The following ZNF559 variants were observed in gnomAD, a reference collection of about 807,000 sequenced individuals.
The protein encoded by ZNF559 is zinc finger protein 559.
ZNF559 carries 17 observed loss-of-function variants against 14.2 expected under a neutral mutation model. The observed-to-expected ratio is 1.20, with a 90% confidence interval of 0.82 to 1.80. The LOEUF (loss-of-function observed/expected upper bound fraction) is 1.80, where lower values mean the gene tolerates loss of function less well. ZNF559 is among the 40% of genes most tolerant of loss of function. ZNF559 has a pLI of 0.00. For synonymous variants in ZNF559, 244 were observed against 212.4 expected, an observed-to-expected ratio of 1.15 and a Z score of -1.29; for missense variants, 740 against 629.7, an observed-to-expected ratio of 1.18 and a Z score of -1.88.
chr19:9,326,996 T>C (rs1170274547), intron 2 of ZNF559, among the ~76,000 whole-genome samples: 1 of 152,174 alleles, frequency 6.6e-6, no homozygotes, highest in African/African-American at 2.4e-5. Context: ...CTAGTGGCTG[T>C]TGAGTTAGAC....
chr19:9,333,758 A>T (rs1170368193), intron 2 of ZNF559, among the ~76,000 whole-genome samples: 1 of 152,082 alleles, frequency 6.6e-6, no homozygotes, highest in Non-Finnish European at 1.5e-5. Context: ...TGACAAAAAA[A>T]AAAAGGCTAA....
intron 1 of ZNF559, 198 bp from the exon 2 acceptor site, chr19:9,324,497 C>A: frequency 7.3e-7 from 1 of 1,369,938 alleles, no homozygotes; most frequent in Non-Finnish European, 9.6e-7. Flanking sequence ...CTCCCCTCTG[C>A]AGAAGCCTCA....
At chr19:9,327,177 C>T (rs1343954343) in intron 2 of ZNF559, among the ~76,000 whole-genome samples, 1 of 151,856 alleles carries the variant, frequency 6.6e-6, no homozygotes, top group African/African-American at 2.4e-5. Flanking sequence ...ACTTTGGCTA[C>T]AGGGGAATAT....
chr19:9,331,847 T>C (rs914763738), intron 2 of ZNF559, among the ~76,000 whole-genome samples: 2 of 152,218 alleles, frequency 1.3e-5, no homozygotes, highest in African/African-American at 4.8e-5. Context: ...TTATGATATA[T>C]TACTTATTGA....
At chr19:9,328,339 CTTGT>C (rs892570905) in intron 2 of ZNF559, among the ~76,000 whole-genome samples, 3 of 125,590 alleles carry the variant, frequency 2.4e-5, no homozygotes, top group African/African-American at 6.5e-5. Context: ...TACTATTAGG[CTTGT>C]TTGTCTTTTT....
chr19:9,344,316 T>G lies in ZNF559; in HGVS notation c.*1248T>G, dbSNP rs2067685824. On this transcript the variant is annotated 3_prime_UTR_variant, in exon 7 of 7. Coordinates refer to ENST00000603380, the MANE Select transcript of ZNF559 (RefSeq NM_032497.3). ...TTAGTTATAGGGAATTGAGGAACAT[T>G]TAGGGGTACAAATTTTCACTTATTG... 1 of 152,000 alleles carries G rather than the reference T, an allele frequency of 6.6e-6. No homozygotes were observed. Among genetic ancestry groups the G allele is most frequent in the African/African-American group, 2.4e-5 (1 of 41,366 alleles). The allele number at this position is 152,000 out of a possible 1,614,324, so 9.4% of individuals were successfully genotyped here.
rs57427399 is a variant in ZNF559, at chr19:9,324,565, A to G, written c.-205-130A>G. 199 of 1,161,022 alleles carry G rather than the reference A, an allele frequency of 1.7e-4. No individual in the cohort carries two copies. In the African/African-American group the frequency reaches 2.8e-3, roughly 16 times the overall value. The allele number at this position is 1,161,022 out of a possible 1,614,324, so 71.9% of individuals were successfully genotyped here. A position where few individuals can be genotyped will look rare whatever the true frequency, so the allele number is the denominator to read the frequency against. ...TCCCAGCGCTTTGGGCGGATTGGGT[A>G]GGAGGATTACTTGAGGCCAGGAGTT... On this transcript the variant is annotated intron_variant, in intron 1 of 6. Transcript: ENST00000603380.
At chr19:9,326,452 C>T (rs1276839934) in intron 2 of ZNF559, among the ~76,000 whole-genome samples, 1 of 152,114 alleles carries the variant, frequency 6.6e-6, no homozygotes, top group Non-Finnish European at 1.5e-5. Flanking sequence ...GGAGCATTAT[C>T]TTGTAAAATG....
chr19:9,342,621 T>TATTA lies in ZNF559; in HGVS notation c.1174_1177dup (p.Ser393Ter), dbSNP rs745537764. ...AATGTAAGGAATGTGGAAAAGCCTT[T>TATTA]ATTAATTCCTCTTCCTTTAAAAGTC... On this transcript the variant is annotated frameshift_variant, in exon 7 of 7. Coordinates refer to ENST00000603380, the MANE Select transcript of ZNF559 (RefSeq NM_032497.3). LOFTEE classifies it low-confidence loss of function (END_TRUNC). 3 of 1,614,008 alleles carry TATTA rather than the reference T, an allele frequency of 1.9e-6. No homozygotes were observed. The South Asian group carries it at 3.3e-5, about 18-fold the overall frequency.
rs1384498032 is a variant in ZNF559, at chr19:9,324,357, T to C, written c.-206+129T>C. On this transcript the variant is annotated intron_variant, in intron 1 of 6. Coordinates refer to ENST00000603380, the MANE Select transcript of ZNF559 (RefSeq NM_032497.3). ...TGCACTTTCGGGCATTTCGAGCATC[T>C]TGTGGGCTCTCCCAAGTCGCGGCCC... is the stretch of plus-strand genomic sequence containing the variant. 9 of 1,509,232 alleles carry C rather than the reference T, an allele frequency of 6.0e-6. No homozygotes were observed. The African/African-American group carries it at 1.1e-4, about 19-fold the overall frequency. 93.5% of individuals were successfully genotyped at this position (1,509,232 alleles called of 1,614,324 possible).
Position 9,338,486 on chromosome 19 carries a change from T to G in ZNF559, c.-56-8T>G. 1 of 1,608,940 alleles carries G rather than the reference T, an allele frequency of 6.2e-7. No homozygotes were observed. Among genetic ancestry groups the G allele is most frequent in the Non-Finnish European group, 8.5e-7 (1 of 1,175,932 alleles). ...CTGGATTCTCAGATTTTATTTCTTC[T>G]TCTTAAGATCATCTTTCTCAAGATG... On this transcript the variant is annotated splice_region_variant and splice_polypyrimidine_tract_variant and intron_variant, in intron 3 of 6. Coordinates refer to ENST00000603380, the MANE Select transcript of ZNF559 (RefSeq NM_032497.3).
At position 9,339,934 on chromosome 19, in the gene ZNF559, ATTTTTTT is replaced by A. The variant is rs545536064; in HGVS notation, c.160+634_160+640del. On this transcript the variant is annotated intron_variant, in intron 5 of 6. Coordinates refer to ENST00000603380, the MANE Select transcript of ZNF559 (RefSeq NM_032497.3). Reference sequence around the variant, plus strand: ...CAGGCGCCCACCACCACGCCTGGCTATTTTTTTTTTTTTTTTTTTTTTTTTGTATTTT... The same window carrying A: ...CAGGCGCCCACCACCACGCCTGGCTATTTTTTTTTTTTTTTTTTGTATTTT... 1.5e-3 allele frequency among the ~76,000 whole-genome samples: 132 copies of A among 86,416 alleles called. 2 individuals carry two copies. In the Middle Eastern group the frequency reaches 0.027, roughly 18 times the overall value. The allele number at this position is 86,416 out of a possible 152,430, so 56.7% of individuals were successfully genotyped here.
rs760837644 is a variant in ZNF559 at position 9,326,200 on chromosome 19, C to T, written c.-120+1420C>T. Among the ~76,000 whole-genome samples the T allele has an allele frequency of 3.4e-5, 5 of 146,284 alleles. No individual in the cohort carries two copies. In the South Asian group the frequency reaches 1.1e-3, roughly 32 times the overall value. Reference sequence around the variant, plus strand: ...TCTCAGCTCACTGCAACCTCTGCCTCCTGCGTTCAAGCGATTCTCCTGACT... The same window carrying T: ...TCTCAGCTCACTGCAACCTCTGCCTTCTGCGTTCAAGCGATTCTCCTGACT... On this transcript the variant is annotated intron_variant, in intron 2 of 6. Coordinates refer to ENST00000603380, the MANE Select transcript of ZNF559 (RefSeq NM_032497.3).
intron 2 of ZNF559, among the ~76,000 whole-genome samples, chr19:9,327,512 G>A (rs965519747): frequency 6.6e-6 from 1 of 152,174 alleles, no homozygotes; most frequent in Non-Finnish European, 1.5e-5. Flanking sequence ...GCCTCCCAAA[G>A]TGCTGGAATT....
At chr19:9,341,501 CT>C in intron 6 of ZNF559, 193 bp from the exon 7 acceptor site, 4 of 1,021,990 alleles carry the variant, frequency 3.9e-6, no homozygotes, top group Non-Finnish European at 5.9e-6. Context: ...TATAACAGAA[CT>C]TCCTGCAGTC....
intron 5 of ZNF559, among the ~76,000 whole-genome samples, chr19:9,339,948 T>C (rs910452505): frequency 1.4e-5 from 2 of 144,076 alleles, no homozygotes; most frequent in Admixed American, 1.4e-4. Flanking sequence ...TTTTTTTTTT[T>C]TTTTTTTTTT....
rs185442879 is a variant in ZNF559, at chr19:9,333,576, C to T, written c.-119-4220C>T. On this transcript the variant is annotated intron_variant, in intron 2 of 6. Transcript: ENST00000603380. ...TGGTGGCACATGCTTCTTCTCCTAG[C>T]TACTTGGGATGCTGAGGCAGGAGGA... Among the ~76,000 whole-genome samples the T allele has an allele frequency of 4.5e-4, 68 of 152,116 alleles. 1 individual carries two copies. Among genetic ancestry groups the T allele is most frequent in the African/African-American group, 1.5e-3 (64 of 41,522 alleles).
rs1033570790 is a variant in ZNF559 at position 9,324,466 on chromosome 19, A to G, written c.-205-229A>G. On this transcript the variant is annotated intron_variant, in intron 1 of 6. Transcript: ENST00000603380. The stretch of plus-strand genomic sequence containing the variant: ...CTCGGCCCGGGAGGAGGCGGGGGGC[A>G]CGGCCTTTCCATTTTCCCTGCTCCC... 7.7e-6 allele frequency: 11 copies of G among 1,423,880 alleles called. No individual in the cohort carries two copies. The East Asian group carries it at 2.7e-4, about 36-fold the overall frequency. The allele number at this position is 1,423,880 out of a possible 1,614,324, so 88.2% of individuals were successfully genotyped here.
At chr19:9,324,330 C>A (rs181909435) in intron 1 of ZNF559, 102 bp downstream of exon 1, 1 of 1,526,616 alleles carries the variant, frequency 6.6e-7, no homozygotes, top group African/African-American at 1.4e-5. Context: ...GAGCCTGTCC[C>A]GTGCACTTTC....
Sources: gnomAD v4.1 joint callset for allele counts (sites outside exome capture counted in the v4.1 genomes callset) on GRCh38, gnomAD v4.1.1 for gene constraint, MANE v1.5 for transcripts, NCBI Gene and HGNC (gene_info 2026-07-23, HGNC 2026-07-21) for gene names.